Variants in XRCC4 observed in about 807,000 individuals in gnomAD.
XRCC4 encodes X-ray repair cross complementing 4, also known as DNA repair protein XRCC4.
In XRCC4, 28 loss-of-function variants were observed where a neutral mutation model predicts 39.1. The observed-to-expected ratio is 0.72, with a 90% CI of 0.53 to 0.98. The LOEUF is 0.98. XRCC4 is among the 50% of genes least tolerant of loss of function. The pLI is 0.00. For missense variants in XRCC4, 350 were observed against 376.4 expected (o/e 0.93, Z 0.58); for synonymous variants, 123 against 126.4 (o/e 0.97, Z 0.18).
chr5:83,152,144 G>T (rs867118934), intron 3 of XRCC4, among the ~76,000 whole-genome samples: 6 of 152,144 alleles, frequency 3.9e-5, no homozygotes, highest in Admixed American at 2.0e-4. Context: ...ATGTTACTAA[G>T]CAATAAAAGA....
chr5:83,234,538 A>T (rs1424280966), intron 6 of XRCC4, among the ~76,000 whole-genome samples: 5 of 152,012 alleles, frequency 3.3e-5, no homozygotes, highest in African/African-American at 1.2e-4. Flanking sequence ...CCTACCACAG[A>T]TGTACTCTAT....
chr5:83,306,798 A>G (rs1755504769), intron 7 of XRCC4, among the ~76,000 whole-genome samples: 1 of 152,220 alleles, frequency 6.6e-6, no homozygotes, highest in East Asian at 1.9e-4. Flanking sequence ...TGACTGCATT[A>G]GAGATGCTGG....
Position 83,129,457 on chromosome 5 carries a change from G to C in XRCC4, c.315+18254G>C, listed in dbSNP as rs183793144. On this transcript the variant is annotated intron_variant, in intron 3 of 7. Coordinates refer to ENST00000396027, the MANE Select transcript of XRCC4 (RefSeq NM_003401.5). ...TTGCTTAGGATAATCTTGGCAATGC[G>C]GGCCCTTTTTTGGTTCCATATGAAC... is the stretch of plus-strand genomic sequence containing the variant. Among the ~76,000 whole-genome samples, 40 of 152,066 alleles carry C rather than the reference G, an allele frequency of 2.6e-4. 3 individuals carry two copies. In the South Asian group the frequency reaches 7.7e-3, roughly 29 times the overall value.
At chr5:83,154,125 C>T (rs1748845544) in intron 3 of XRCC4, among the ~76,000 whole-genome samples, 1 of 152,128 alleles carries the variant, frequency 6.6e-6, no homozygotes, top group South Asian at 2.1e-4. Context: ...CTTTTTGCTA[C>T]TTACAGTTTT....
At chr5:83,156,881 T>C (rs1748990140) in intron 3 of XRCC4, among the ~76,000 whole-genome samples, 1 of 152,172 alleles carries the variant, frequency 6.6e-6, no homozygotes, top group South Asian at 2.1e-4. Context: ...CCCCATGAAT[T>C]GGGAGTACCA....
chr5:83,180,614 A>AT lies in XRCC4; in HGVS notation c.316-15149dup, dbSNP rs550003225. Among the ~76,000 whole-genome samples, 133 of 152,202 alleles carry AT rather than the reference A, an allele frequency of 8.7e-4. No individual in the cohort carries two copies. The Middle Eastern group carries it at 0.01, about 12-fold the overall frequency. On this transcript the variant is annotated intron_variant, in intron 3 of 7. Coordinates refer to ENST00000396027, the MANE Select transcript of XRCC4 (RefSeq NM_003401.5). Reference sequence around the variant, plus strand: ...AATAAGAAAGAACCTACCGAATAGCATTTTTTTATTATTGTACATTAGGTT... The same window carrying AT: ...AATAAGAAAGAACCTACCGAATAGCATTTTTTTTATTATTGTACATTAGGTT...
chr5:83,316,377 A>T (rs541317855), intron 7 of XRCC4, among the ~76,000 whole-genome samples: 168 of 152,092 alleles, frequency 1.1e-3, no homozygotes, highest in African/African-American at 3.8e-3. Context: ...ATAAATGGAC[A>T]AAATTCTGCA....
At chr5:83,368,060 A>T in the XRCC4 span, among the ~76,000 whole-genome samples, 1 of 147,668 alleles carries the variant, frequency 6.8e-6, no homozygotes, top group African/African-American at 2.6e-5. Context: ...AATGATCTCT[A>T]CACTGAACCC....
At chr5:83,261,674 T>A (rs1753756459) in intron 7 of XRCC4, among the ~76,000 whole-genome samples, 1 of 151,790 alleles carries the variant, frequency 6.6e-6, no homozygotes, top group Non-Finnish European at 1.5e-5. Flanking sequence ...GTTTCAGTTT[T>A]CTCATCTAAA....
chr5:83,288,200 T>C (rs1754799048), intron 7 of XRCC4, among the ~76,000 whole-genome samples: 2 of 152,060 alleles, frequency 1.3e-5, no homozygotes, highest in Non-Finnish European at 2.9e-5. Context: ...GGTCTGTCTC[T>C]GAATGTTCCA....
chr5:83,144,267 CTG>C (rs56769195), intron 3 of XRCC4, among the ~76,000 whole-genome samples: 9,646 of 140,018 alleles, frequency 0.069, 348 homozygotes, highest in East Asian at 0.12. Context: ...TAATATTCCT[CTG>C]TGTGTGTGTG....
intron 6 of XRCC4, among the ~76,000 whole-genome samples, chr5:83,206,074 C>T (rs7729841): frequency 0.051 from 7,721 of 151,768 alleles, 285 homozygotes; most frequent in South Asian, 0.13. Flanking sequence ...ACGTGTAGGG[C>T]GATATAGGCT....
intron 7 of XRCC4, among the ~76,000 whole-genome samples, chr5:83,331,436 A>T (rs1226004286): frequency 6.6e-6 from 1 of 152,072 alleles, no homozygotes; most frequent in Admixed American, 6.6e-5. Context: ...ACTCTTACAC[A>T]CTGCTAAAGG....
intron 6 of XRCC4, among the ~76,000 whole-genome samples, chr5:83,243,511 C>G (rs866529182): frequency 6.6e-6 from 1 of 152,184 alleles, no homozygotes; most frequent in East Asian, 1.9e-4. Context: ...TCCTTGACCT[C>G]GCTTAACATT....
chr5:83,129,971 C>A (rs918723674), intron 3 of XRCC4, among the ~76,000 whole-genome samples: 4 of 152,068 alleles, frequency 2.6e-5, no homozygotes, highest in African/African-American at 9.7e-5. Flanking sequence ...CCTTCTCCTG[C>A]CTAATTGCCC....
At chr5:83,084,140 T>C (rs1745080720) in intron 1 of XRCC4, among the ~76,000 whole-genome samples, 1 of 152,220 alleles carries the variant, frequency 6.6e-6, no homozygotes, top group African/African-American at 2.4e-5. Context: ...CTATGAAGCA[T>C]AGTTTTGATT....
intron 7 of XRCC4, among the ~76,000 whole-genome samples, chr5:83,327,503 T>A (rs903698888): frequency 8.0e-4 from 4 of 5,022 alleles, no homozygotes; most frequent in Non-Finnish European, 1.1e-3. Context: ...TTTTATGTAT[T>A]CTTATACAAA....
intron 7 of XRCC4, among the ~76,000 whole-genome samples, chr5:83,270,382 C>T (rs867069698): frequency 3.1e-4 from 47 of 152,242 alleles, no homozygotes; most frequent in African/African-American, 1.1e-3. Context: ...ATGCCTAGCT[C>T]TACTCCATTT....
intron 4 of XRCC4, among the ~76,000 whole-genome samples, chr5:83,199,895 T>C (rs957758796): frequency 6.6e-6 from 1 of 152,172 alleles, no homozygotes; most frequent in African/African-American, 2.4e-5. Flanking sequence ...AGACCTTTCT[T>C]GTTTGATGTT....
Sources: gnomAD v4.1 joint callset for allele counts (sites outside exome capture counted in the v4.1 genomes callset) on GRCh38, gnomAD v4.1.1 for gene constraint, MANE v1.5 for transcripts, NCBI Gene and HGNC (gene_info 2026-07-23, HGNC 2026-07-21) for gene names.